The following FAAH2 variants were observed in gnomAD, a reference collection of about 807,000 sequenced individuals.
The protein encoded by FAAH2 is fatty-acid amide hydrolase 2.
A neutral mutation model predicts 36.9 loss-of-function variants in FAAH2; 60 were observed. The observed-to-expected ratio is 1.63, with a 90% confidence interval of 1.32 to 2.02. FAAH2 has a LOEUF of 2.02. FAAH2 is among the 30% of genes most tolerant of loss of function. The probability of loss-of-function intolerance (pLI) is 0.00; values close to 1 mark genes in which losing one functional copy is unlikely to be tolerated. For synonymous variants in FAAH2, 214 were observed against 143.8 expected (o/e 1.49, Z -3.49); for missense variants, 689 against 397.5 (o/e 1.73, Z -6.23).
intron 7 of FAAH2, chrX:57,392,574 TCC>T: frequency 3.6e-6 from 3 of 822,931 alleles, no homozygotes; most frequent in Non-Finnish European, 5.4e-6. Flanking sequence ...ACTTCCTAAC[TCC>T]CAGTGGGCCT....
At chrX:57,150,076 G>T in the FAAH2 span, among the ~76,000 whole-genome samples, 11 of 112,202 alleles carry the variant, frequency 9.8e-5, no homozygotes, top group African/African-American at 3.6e-4. Context: ...GGTTTTGAGA[G>T]CGTTTCTTAA....
intron 10 of FAAH2, among the ~76,000 whole-genome samples, chrX:57,483,731 G>T (rs1175668984): frequency 9.5e-6 from 1 of 105,027 alleles, no homozygotes; most frequent in African/African-American, 3.5e-5. Context: ...GTAGTATTCT[G>T]GGTAGAGTCC....
At chrX:57,472,770 G>A (rs1454574346) in intron 10 of FAAH2, among the ~76,000 whole-genome samples, 1 of 110,894 alleles carries the variant, frequency 9.0e-6, no homozygotes, top group African/African-American at 3.3e-5. Context: ...ATGTTTCCAG[G>A]AAACTATCAA....
At chrX:57,161,721 T>G in the FAAH2 span, among the ~76,000 whole-genome samples, 1 of 111,635 alleles carries the variant, frequency 9.0e-6, no homozygotes, top group Non-Finnish European at 1.9e-5. Flanking sequence ...TGGTAGATCT[T>G]CCCCCATCCC....
chrX:57,290,250 G>A, intron 1 of FAAH2: 3 of 744,558 alleles, frequency 4.0e-6, no homozygotes, highest in Non-Finnish European at 4.7e-6. Context: ...AATTACGGTA[G>A]CAGTGGCAGT....
intron 1 of FAAH2, among the ~76,000 whole-genome samples, chrX:57,289,167 C>T: frequency 1.8e-5 from 2 of 111,896 alleles, no homozygotes; most frequent in Middle Eastern, 9.3e-3. Flanking sequence ...TTTCTAATAG[C>T]TTGTCCAATG....
intron 3 of FAAH2, among the ~76,000 whole-genome samples, chrX:57,327,430 A>G (rs1347411318): frequency 9.1e-6 from 1 of 109,698 alleles, no homozygotes; most frequent in Non-Finnish European, 1.9e-5. Flanking sequence ...TATCCTGCAG[A>G]GTGTTTTCCA....
intron 7 of FAAH2, among the ~76,000 whole-genome samples, chrX:57,421,544 C>T (rs1211249960): frequency 8.9e-6 from 1 of 111,780 alleles, no homozygotes; most frequent in East Asian, 2.8e-4. Flanking sequence ...TGGCCACCTT[C>T]TCACAAGGCT....
chrX:57,441,606 C>T (rs1170280386), intron 8 of FAAH2, among the ~76,000 whole-genome samples: 1 of 109,573 alleles, frequency 9.1e-6, no homozygotes, highest in Non-Finnish European at 1.9e-5. Context: ...GTGTCTATCT[C>T]CTTCAGTTCT....
chrX:57,300,050 CA>C (rs1326051336), intron 2 of FAAH2, among the ~76,000 whole-genome samples: 2 of 111,551 alleles, frequency 1.8e-5, no homozygotes, highest in Non-Finnish European at 3.8e-5. Context: ...TTTATAGATT[CA>C]ATGCCATCCC....
chrX:57,333,015 G>A (rs906738331), intron 4 of FAAH2, among the ~76,000 whole-genome samples: 1 of 111,153 alleles, frequency 9.0e-6, no homozygotes, highest in Non-Finnish European at 1.9e-5. Flanking sequence ...ACAGAGCAGG[G>A]GCACATGCTA....
chrX:57,232,901 G>A, the FAAH2 span, among the ~76,000 whole-genome samples: 1 of 112,388 alleles, frequency 8.9e-6, no homozygotes, highest in East Asian at 2.8e-4. Context: ...AGGGAGATCT[G>A]TTACAGTAAT....
the FAAH2 span, among the ~76,000 whole-genome samples, chrX:57,235,874 G>A: frequency 6.2e-5 from 5 of 80,662 alleles, no homozygotes; most frequent in African/African-American, 4.8e-4. Flanking sequence ...ATTTACAGCT[G>A]CCTGAAAATA....
At chrX:57,379,273 A>G (rs187165695) in intron 6 of FAAH2, among the ~76,000 whole-genome samples, 235 of 111,368 alleles carry the variant, frequency 2.1e-3, no homozygotes, top group African/African-American at 7.0e-3. Context: ...CCCTCAAGTA[A>G]ATAATCCCAC....
the FAAH2 span, among the ~76,000 whole-genome samples, chrX:57,234,779 G>T: frequency 5.4e-5 from 6 of 111,965 alleles, no homozygotes; most frequent in East Asian, 1.1e-3. Context: ...TGGTCCCCAT[G>T]GTTCACACCT....
At chrX:57,146,647 C>A in the FAAH2 span, among the ~76,000 whole-genome samples, 2 of 111,861 alleles carry the variant, frequency 1.8e-5, no homozygotes, top group South Asian at 7.5e-4. Context: ...TGTTCCAGTT[C>A]TCAGAGGAAA....
At chrX:57,434,407 AT>A (rs1407065779) in intron 8 of FAAH2, among the ~76,000 whole-genome samples, 96 of 110,431 alleles carry the variant, frequency 8.7e-4, no homozygotes, top group Non-Finnish European at 1.1e-3. Context: ...CAATACAAAT[AT>A]ATTAGAATAT....
At chrX:57,251,520 A>T in the FAAH2 span, among the ~76,000 whole-genome samples, 1 of 111,890 alleles carries the variant, frequency 8.9e-6, no homozygotes, top group African/African-American at 3.2e-5. Flanking sequence ...GGCAAGAGAA[A>T]GAAACAAAGT....
the FAAH2 span, among the ~76,000 whole-genome samples, chrX:57,231,542 C>T: frequency 9.0e-6 from 1 of 111,332 alleles, no homozygotes; most frequent in African/African-American, 3.3e-5. Flanking sequence ...CCAGTTCCAA[C>T]CCAGGGAATG....
Sources: allele counts gnomAD v4.1 joint callset (sites outside exome capture counted in the v4.1 genomes callset), GRCh38; gene constraint gnomAD v4.1.1; transcripts MANE v1.5; gene names NCBI Gene and HGNC (gene_info 2026-07-23, HGNC 2026-07-21).